TBC1D19: variants seen among roughly 807,000 people sequenced by gnomAD.
The protein encoded by TBC1D19 is TBC1 domain family member 19.
Under a neutral mutation model 89.0 loss-of-function variants are expected in TBC1D19, and 60 were observed. The ratio of observed to expected loss-of-function variants is 0.67; its 90% CI spans 0.55 to 0.84. The LOEUF (loss-of-function observed/expected upper bound fraction) is 0.84. Ranked by LOEUF, TBC1D19 falls within the 40% of genes least tolerant of loss-of-function variation. The pLI is 0.00. For synonymous variants in TBC1D19, 189 were observed against 199.7 expected (o/e 0.95, Z 0.45); for missense variants, 500 against 610.8 (o/e 0.82, Z 1.91).
rs186182619 is a variant in TBC1D19, at chr4:26,620,397, A to G, written c.219-216A>G. On this transcript the variant is annotated intron_variant, in intron 3 of 20. Coordinates refer to ENST00000264866, the MANE Select transcript of TBC1D19 (RefSeq NM_018317.4). ...ACGAGAATGTTACGTCCATGAGAAC[A>G]GAGAATGTTATCTCAATCACCACCT... Among the ~76,000 whole-genome samples, 5 of 152,362 alleles carry G rather than the reference A, an allele frequency of 3.3e-5. No individual in the cohort carries two copies. The East Asian group carries it at 9.6e-4, about 29-fold the overall frequency.
chr4:26,836,172 T>C, the TBC1D19 span, among the ~76,000 whole-genome samples: 1 of 152,206 alleles, frequency 6.6e-6, no homozygotes, highest in South Asian at 2.1e-4. Flanking sequence ...ACCTCCCCTG[T>C]CTTAATGCTC....
the TBC1D19 span, among the ~76,000 whole-genome samples, chr4:26,851,304 C>CCTACCTATCTATCTAT: frequency 6.8e-6 from 1 of 146,974 alleles, no homozygotes; most frequent in African/African-American, 2.5e-5. Flanking sequence ...TAATAAATAC[C>CCTACCTATCTATCTAT]CTATCTATCT....
the TBC1D19 span, among the ~76,000 whole-genome samples, chr4:26,784,681 C>G: frequency 6.6e-6 from 1 of 152,212 alleles, no homozygotes; most frequent in African/African-American, 2.4e-5. Flanking sequence ...TTCTGCTTTC[C>G]TCCGCCTACA....
At chr4:26,731,575 G>A (rs1332541604) in intron 15 of TBC1D19, among the ~76,000 whole-genome samples, 1 of 152,044 alleles carries the variant, frequency 6.6e-6, no homozygotes, top group Non-Finnish European at 1.5e-5. Flanking sequence ...GGGCTTTTAA[G>A]GTTGGTATTA....
At chr4:26,649,088 T>C (rs376398663) in intron 7 of TBC1D19, among the ~76,000 whole-genome samples, 17 of 152,212 alleles carry the variant, frequency 1.1e-4, no homozygotes, top group East Asian at 9.6e-4. Flanking sequence ...ATTCCTTATT[T>C]ATGTAATTAG....
At chr4:26,852,823 G>A in the TBC1D19 span, among the ~76,000 whole-genome samples, 1 of 152,126 alleles carries the variant, frequency 6.6e-6, no homozygotes, top group Non-Finnish European at 1.5e-5. Context: ...GTTTCACCGC[G>A]TTAGCCAGGA....
chr4:26,710,153 G>T (rs1339434121), intron 13 of TBC1D19, among the ~76,000 whole-genome samples: 1 of 151,944 alleles, frequency 6.6e-6, no homozygotes, highest in Non-Finnish European at 1.5e-5. Context: ...TTAGCATTAG[G>T]TATATCTCCT....
intron 17 of TBC1D19, chr4:26,740,833 C>T: frequency 1.0e-6 from 1 of 985,366 alleles, no homozygotes; most frequent in Non-Finnish European, 1.2e-6. Context: ...TTTATCCCCC[C>T]ATTCTAAGCC....
chr4:26,729,206 T>TGATG (rs1717507532), intron 15 of TBC1D19, among the ~76,000 whole-genome samples: 2 of 152,318 alleles, frequency 1.3e-5, no homozygotes, highest in South Asian at 2.1e-4. Context: ...TCAGCAGGTT[T>TGATG]GATGACGTTC....
At chr4:26,840,405 A>G in the TBC1D19 span, among the ~76,000 whole-genome samples, 4 of 151,994 alleles carry the variant, frequency 2.6e-5, no homozygotes, top group Non-Finnish European at 4.4e-5. Flanking sequence ...TATTGGCTCA[A>G]TTTTCGTTTA....
the TBC1D19 span, among the ~76,000 whole-genome samples, chr4:26,826,364 T>G: frequency 5.1e-4 from 78 of 151,836 alleles, 2 homozygotes; most frequent in African/African-American, 1.9e-3. Flanking sequence ...GTGACAGCAA[T>G]AATCATGAAT....
At chr4:26,593,083 A>T (rs1158150405) in intron 1 of TBC1D19, among the ~76,000 whole-genome samples, 1 of 152,252 alleles carries the variant, frequency 6.6e-6, no homozygotes, top group Non-Finnish European at 1.5e-5. Context: ...ACGTGACTTC[A>T]AACTATACTA....
chr4:26,671,449 T>C (rs1368164480), intron 9 of TBC1D19, among the ~76,000 whole-genome samples: 2 of 151,890 alleles, frequency 1.3e-5, no homozygotes, highest in African/African-American at 4.8e-5. Context: ...CAGATATATG[T>C]ACAGCAAATA....
chr4:26,662,058 G>A (rs1745253489), intron 8 of TBC1D19, among the ~76,000 whole-genome samples: 2 of 152,092 alleles, frequency 1.3e-5, no homozygotes, highest in South Asian at 4.1e-4. Flanking sequence ...AGGATCGTAT[G>A]TTTTCAGTAA....
intron 13 of TBC1D19, among the ~76,000 whole-genome samples, chr4:26,706,507 T>C (rs1433474921): frequency 2.0e-5 from 3 of 152,138 alleles, no homozygotes; most frequent in Non-Finnish European, 4.4e-5. Flanking sequence ...TCTCTATTGT[T>C]TTCCTATTCT....
At chr4:26,780,722 C>G in the TBC1D19 span, among the ~76,000 whole-genome samples, 5 of 152,198 alleles carry the variant, frequency 3.3e-5, no homozygotes, top group Non-Finnish European at 5.9e-5. Context: ...TGTAACACCT[C>G]CCTTGAGAGT....
intron 12 of TBC1D19, among the ~76,000 whole-genome samples, chr4:26,686,550 T>G (rs116488825): frequency 0.011 from 1,688 of 152,282 alleles, 33 homozygotes; most frequent in African/African-American, 0.039. Context: ...AAAGATTAAT[T>G]AACTTCTCTC....
Position 26,676,262 on chromosome 4 carries a change from C to A in TBC1D19, c.816+2374C>A, listed in dbSNP as rs1712794963. Among the ~76,000 whole-genome samples the A allele has an allele frequency of 2.6e-5, 4 of 152,212 alleles. No homozygotes were observed. The South Asian group carries it at 8.3e-4, about 31-fold the overall frequency. On this transcript the variant is annotated intron_variant, in intron 11 of 20. Transcript: ENST00000264866. ...ACGGTGCCTGTTTCTGACCTTCACT[C>A]TCTTCAGTCCCTTCTCTTCAGTCTT...
At chr4:26,789,844 T>TTA in the TBC1D19 span, among the ~76,000 whole-genome samples, 2 of 152,204 alleles carry the variant, frequency 1.3e-5, no homozygotes, top group African/African-American at 4.8e-5. Flanking sequence ...TACCATGGAA[T>TTA]ACTATGCAGC....
Sources: gnomAD v4.1 joint callset for allele counts (sites outside exome capture counted in the v4.1 genomes callset) on GRCh38, gnomAD v4.1.1 for gene constraint, MANE v1.5 for transcripts, NCBI Gene and HGNC (gene_info 2026-07-23, HGNC 2026-07-21) for gene names.